The following CRISP2 variants were observed in gnomAD, a reference collection of about 807,000 sequenced individuals.
CRISP2 encodes the protein cysteine rich secretory protein 2.
Under a neutral mutation model 31.7 loss-of-function variants are expected in CRISP2, and 29 were observed. That is an observed-to-expected ratio of 0.92 (90% CI 0.68 to 1.25). The LOEUF is 1.25. Among genes scored for constraint, CRISP2 ranks in the 50% most tolerant of loss-of-function variants. The probability of loss-of-function intolerance (pLI) is 0.00; values close to 1 mark genes in which losing one functional copy is unlikely to be tolerated. For synonymous variants in CRISP2, 111 were observed against 101.4 expected (o/e 1.09, Z -0.57); for missense variants, 318 against 286.5 (o/e 1.11, Z -0.79).
chr6:49,687,357 G>A, the CRISP2 span, among the ~76,000 whole-genome samples: 8 of 152,206 alleles, frequency 5.3e-5, no homozygotes, highest in East Asian at 1.9e-4. Flanking sequence ...TAGTATAAAC[G>A]TTGATAAAGC....
the CRISP2 span, among the ~76,000 whole-genome samples, chr6:49,687,297 T>C: frequency 3.3e-5 from 5 of 152,224 alleles, no homozygotes; most frequent in Non-Finnish European, 5.9e-5. Flanking sequence ...AAGTGAAATG[T>C]TTTATTAATG....
the CRISP2 span, among the ~76,000 whole-genome samples, chr6:49,684,244 T>G: frequency 6.6e-6 from 1 of 152,128 alleles, no homozygotes; most frequent in Admixed American, 6.5e-5. Context: ...GTGTAGCATT[T>G]GTTATGACCT....
downstream of CRISP2, among the ~76,000 whole-genome samples, chr6:49,691,183 T>C (rs757803168): frequency 6.6e-6 from 1 of 152,072 alleles, no homozygotes; most frequent in South Asian, 2.1e-4. Flanking sequence ...GAGTGCTTCA[T>C]ATGAGAACCA....
chr6:49,695,826 T>G lies in CRISP2; in HGVS notation c.604+10A>C. The G allele has an allele frequency of 6.3e-7, 1 of 1,585,846 alleles. No individual in the cohort carries two copies. The highest frequency in any genetic ancestry group is 8.6e-7 in the Non-Finnish European group (1 of 1,158,456). On this transcript the variant is annotated intron_variant, in intron 9 of 9. Transcript: ENST00000339139. ...AATAAATAATAGCAAGCTAATCACT[T>G]CAAACTTACTGCATAGTCCTTTGTC...
At chr6:49,695,555 G>C (rs1764593812) in intron 9 of CRISP2, among the ~76,000 whole-genome samples, 1 of 152,086 alleles carries the variant, frequency 6.6e-6, no homozygotes, top group Non-Finnish European at 1.5e-5. Flanking sequence ...TTACCAAAAT[G>C]GTATATGGTT....
chr6:49,697,782 T>C, intron 8 of CRISP2, 78 bp downstream of exon 8: 1 of 1,603,892 alleles, frequency 6.2e-7, no homozygotes. Flanking sequence ...GTTTTCATTC[T>C]GGTTTAAGAT....
At chr6:49,699,412 A>T (rs1317416881) in intron 6 of CRISP2, among the ~76,000 whole-genome samples, 1 of 152,046 alleles carries the variant, frequency 6.6e-6, no homozygotes, top group Non-Finnish European at 1.5e-5. Context: ...AGCTACATAA[A>T]TTAACAAAAA....
At chr6:49,702,272 T>A (rs559425369) in intron 4 of CRISP2, among the ~76,000 whole-genome samples, 1 of 148,632 alleles carries the variant, frequency 6.7e-6, no homozygotes, top group African/African-American at 2.5e-5. Context: ...TAAACATGCG[T>A]GTGCAAGTGT....
At chr6:49,702,703 C>G (rs1199920675) in intron 4 of CRISP2, among the ~76,000 whole-genome samples, 1 of 151,942 alleles carries the variant, frequency 6.6e-6, no homozygotes, top group Non-Finnish European at 1.5e-5. Context: ...GATATTAGTC[C>G]TTAGTTGGAT....
chr6:49,697,991 T>G (rs747282913), intron 7 of CRISP2, 34 bp from the exon 8 acceptor site: 9 of 1,464,782 alleles, frequency 6.1e-6, no homozygotes, highest in Non-Finnish European at 8.4e-6. Context: ...TATATAAAAG[T>G]ACATTAGAGA....
At chr6:49,689,246 C>T (rs1302354052), downstream of CRISP2, among the ~76,000 whole-genome samples, 1 of 152,150 alleles carries the variant, frequency 6.6e-6, no homozygotes, top group Admixed American at 6.6e-5. Flanking sequence ...TTTAGACAGA[C>T]CCTTTTATAC....
intron 4 of CRISP2, 103 bp downstream of exon 4, chr6:49,709,028 C>G: frequency 1.0e-6 from 1 of 960,356 alleles, no homozygotes; most frequent in South Asian, 1.4e-5. Flanking sequence ...CCAGTGGAAA[C>G]TCTGACATAC....
At chr6:49,695,807 T>C (rs1339859405) in intron 9 of CRISP2, 29 bp downstream of exon 9, 3 of 1,385,338 alleles carry the variant, frequency 2.2e-6, no homozygotes, top group African/African-American at 2.9e-5. Flanking sequence ...CTATAATAAA[T>C]AATAGCAAGC....
chr6:49,699,466 G>A (rs1229967116), intron 6 of CRISP2, among the ~76,000 whole-genome samples: 3 of 151,962 alleles, frequency 2.0e-5, no homozygotes, highest in African/African-American at 7.2e-5. Flanking sequence ...AAAATTTCTA[G>A]TATGACACTG....
In CRISP2 at chr6:49,692,770, A is replaced by G; in HGVS notation, c.*3T>C. ...CAGTCTTGCACAATGCTCACTAGGT[A>G]AATCAGTAAATTTTGTTCTCACATA... On this transcript the variant is annotated 3_prime_UTR_variant, in exon 10 of 10. Coordinates refer to ENST00000339139, the MANE Select transcript of CRISP2 (RefSeq NM_003296.4). 2 of 1,612,336 alleles carry G rather than the reference A, an allele frequency of 1.2e-6. No homozygotes were observed. Among genetic ancestry groups the G allele is most frequent in the Non-Finnish European group, 1.7e-6 (2 of 1,178,726 alleles).
chr6:49,710,119 A>C (rs1433697304), intron 3 of CRISP2, among the ~76,000 whole-genome samples: 1 of 152,210 alleles, frequency 6.6e-6, no homozygotes, highest in Non-Finnish European at 1.5e-5. Context: ...GAAAGAAAGA[A>C]AATTCCGAAC....
chr6:49,713,074 A>G (rs1476883528), intron 1 of CRISP2, among the ~76,000 whole-genome samples: 3 of 152,132 alleles, frequency 2.0e-5, no homozygotes, highest in Non-Finnish European at 4.4e-5. Flanking sequence ...CAATGACCCC[A>G]ACTCTAATTG....
chr6:49,713,919 G>A (rs1768441916), upstream of CRISP2, among the ~76,000 whole-genome samples: 1 of 152,182 alleles, frequency 6.6e-6, no homozygotes, highest in Admixed American at 6.5e-5. Context: ...GTCCACAGGT[G>A]CTTAAGTTTG....
At chr6:49,677,575 T>C in the CRISP2 span, among the ~76,000 whole-genome samples, 1 of 152,196 alleles carries the variant, frequency 6.6e-6, no homozygotes, top group African/African-American at 2.4e-5. Context: ...TAAGGATTTC[T>C]TTGGCAATAT....
Sources: gnomAD v4.1 joint callset for allele counts (sites outside exome capture counted in the v4.1 genomes callset) on GRCh38, gnomAD v4.1.1 for gene constraint, MANE v1.5 for transcripts, NCBI Gene and HGNC (gene_info 2026-07-23, HGNC 2026-07-21) for gene names.